DLK1: variants seen among roughly 807,000 people sequenced by gnomAD.
DLK1 encodes the protein delta like non-canonical Notch ligand 1.
In DLK1, 9 loss-of-function variants were observed where a neutral mutation model predicts 35.2. The ratio of observed to expected loss-of-function variants is 0.26; its 90% CI spans 0.15 to 0.45. DLK1 has a LOEUF of 0.45. Ranked by LOEUF, DLK1 falls within the 20% of genes least tolerant of loss-of-function variation. The pLI, the probability that DLK1 is intolerant of heterozygous loss-of-function variation, is 1.00. For missense variants in DLK1, 522 were observed against 528.5 expected, an observed-to-expected ratio of 0.99 and a Z score of 0.12; for synonymous variants, 231 against 228.4, an observed-to-expected ratio of 1.01 and a Z score of -0.10.
intron 3 of DLK1, among the ~76,000 whole-genome samples, chr14:100,731,400 G>A (rs2036505160): frequency 6.6e-6 from 1 of 152,178 alleles, no homozygotes; most frequent in Non-Finnish European, 1.5e-5. Context: ...TAATTTCCCT[G>A]GCTTTAAAAG....
At chr14:100,727,829 G>T (rs535884049) in intron 1 of DLK1, among the ~76,000 whole-genome samples, 1 of 152,246 alleles carries the variant, frequency 6.6e-6, no homozygotes, top group Admixed American at 6.5e-5. Flanking sequence ...ACCCTGTGTC[G>T]TCATCGTTTT....
rs2036584120 is a variant in DLK1 at position 100,737,227 on chromosome 14, A to G, written c.*2331A>G. 1 of 145,168 alleles carries G rather than the reference A, an allele frequency of 6.9e-6. No homozygotes were observed. Among genetic ancestry groups the G allele is most frequent in the African/African-American group, 2.6e-5 (1 of 38,378 alleles). The allele number at this position is 145,168 out of a possible 1,614,324, so 9.0% of individuals were successfully genotyped here. On this transcript the variant is annotated 3_prime_UTR_variant, in exon 5 of 5. Transcript: ENST00000341267. ...CCAAGTCCCTCTTCCTTCCCCACGAAGTCATTCATAAGTCACCATCTCATC... is the reference window on the plus strand; with the variant it reads ...CCAAGTCCCTCTTCCTTCCCCACGAGGTCATTCATAAGTCACCATCTCATC...
In DLK1 at chr14:100,736,910, A is replaced by G. The variant is rs1354530094; in HGVS notation, c.*2014A>G. The G allele has an allele frequency of 1.7e-4, 3 of 17,558 alleles. No individual in the cohort carries two copies. Among genetic ancestry groups the G allele is most frequent in the African/African-American group, 7.0e-4 (3 of 4,260 alleles). 1.1% of individuals were successfully genotyped at this position (17,558 alleles called of 1,614,324 possible). ...CCAATCCTTCCCCTCCTGTTAGCCC[A>G]CCCCTCCTTTCCTATCACCCCCACC... On this transcript the variant is annotated 3_prime_UTR_variant, in exon 5 of 5. Transcript: ENST00000341267.
At position 100,734,916 on chromosome 14, in the gene DLK1, C is replaced by A. The variant is rs774891084; in HGVS notation, c.*20C>A. 3 of 1,546,104 alleles carry A rather than the reference C, an allele frequency of 1.9e-6. No individual in the cohort carries two copies. The South Asian group carries it at 3.7e-5, about 19-fold the overall frequency. On this transcript the variant is annotated 3_prime_UTR_variant, in exon 5 of 5. Coordinates refer to ENST00000341267, the MANE Select transcript of DLK1 (RefSeq NM_003836.7). This position sits in a 1 kb window ranked among gnomAD's most constrained non-coding sequence, Gnocchi z 7.4. ...ATCTAAGCAGCGTTCCCACAGCCCCCTCTAGATTCTTGGAGTTCCGCAGAG... is the reference window on the plus strand; with the variant it reads ...ATCTAAGCAGCGTTCCCACAGCCCCATCTAGATTCTTGGAGTTCCGCAGAG...
rs115349979 is a variant in DLK1, at chr14:100,734,882, G to A, written c.1138G>A (p.Asp380Asn). ...GACCACCTTCAGCAAGGAGGCCGGC[G>A]ACGAGGAGATCTAAGCAGCGTTCCC... Reference protein sequence around the residue: ...DMTTFSKEAGDEEI With the variant: ...DMTTFSKEAGNEEI The change falls in exon 5 of 5, where the codon GAC (aspartate) becomes AAC (asparagine). Residue 380 changes from aspartate (D) to asparagine (N), a missense_variant. Transcript: ENST00000341267. The surrounding 1 kb of genome is among the most constrained non-coding windows in gnomAD (Gnocchi z 7.4). 1.3e-5 allele frequency: 21 copies of A among 1,590,338 alleles called. No homozygotes were observed. In the Admixed American group the frequency reaches 1.9e-4, roughly 14 times the overall value.
intron 3 of DLK1, among the ~76,000 whole-genome samples, chr14:100,731,541 A>G (rs1394515531): frequency 6.6e-6 from 1 of 151,880 alleles, no homozygotes. Flanking sequence ...TTACATCTCC[A>G]TCCCCCCCAC....
At chr14:100,731,527 G>A (rs894833892) in intron 3 of DLK1, among the ~76,000 whole-genome samples, 2 of 152,126 alleles carry the variant, frequency 1.3e-5, no homozygotes, top group Non-Finnish European at 2.9e-5. Flanking sequence ...ACGGAGGGGG[G>A]TCGTTACATC....
rs1291416333 is a variant in DLK1 at position 100,734,305 on chromosome 14, C to A, written c.561C>A (p.Asp187Glu). ...NPCENDGVCTDIGGDFRCRCP... is the reference protein window; with the variant it reads ...NPCENDGVCTEIGGDFRCRCP... ...GCGAGAACGACGGCGTCTGCACTGA[C>A]ATTGGGGGCGACTTCCGCTGCCGGT... The change falls in exon 5 of 5, where the codon GAC (aspartate) becomes GAA (glutamate). Residue 187 changes from aspartate (D) to glutamate (E), a missense_variant. Coordinates refer to ENST00000341267, the MANE Select transcript of DLK1 (RefSeq NM_003836.7). The surrounding 1 kb of genome is among the most constrained non-coding windows in gnomAD (Gnocchi z 7.4). The A allele has an allele frequency of 6.2e-7, 1 of 1,613,288 alleles. No homozygotes were observed. The highest frequency in any genetic ancestry group is 8.5e-7 in the Non-Finnish European group (1 of 1,180,010).
chr14:100,727,278 C>A, intron 1 of DLK1, 143 bp downstream of exon 1: 2 of 884,516 alleles, frequency 2.3e-6, no homozygotes, highest in Non-Finnish European at 3.1e-6. Flanking sequence ...CTGTGCCTGT[C>A]TCGCCCTACC....
Position 100,728,476 on chromosome 14 carries a change from T to A in DLK1, c.131+17T>A, listed in dbSNP as rs200447912. ...TGTTTGCAGGTAATAGAGTGGCTCC[T>A]CAGAGGCAGCTTGTAGGGGCCACGC... On this transcript the variant is annotated intron_variant, in intron 2 of 4. Transcript: ENST00000341267. 1.4e-4 allele frequency: 226 copies of A among 1,613,650 alleles called. No homozygotes were observed. The highest frequency in any genetic ancestry group is 1.8e-4 in the Non-Finnish European group (209 of 1,179,894).
intron 4 of DLK1, among the ~76,000 whole-genome samples, chr14:100,732,760 A>G (rs2036524458): frequency 6.6e-6 from 1 of 152,180 alleles, no homozygotes; most frequent in African/African-American, 2.4e-5. Flanking sequence ...CACTGTCTTC[A>G]CTTGGACCTC....
At chr14:100,728,816 C>A in intron 2 of DLK1, 120 bp from the exon 3 acceptor site, 1 of 1,330,756 alleles carries the variant, frequency 7.5e-7, no homozygotes, top group Non-Finnish European at 1.0e-6. Context: ...TTCCCAGGAC[C>A]ACCGGCTGCC....
intron 3 of DLK1, among the ~76,000 whole-genome samples, chr14:100,729,705 C>A (rs2036486296): frequency 6.6e-6 from 1 of 152,180 alleles, no homozygotes; most frequent in South Asian, 2.1e-4. Context: ...CTCCATTACC[C>A]CAAGCAATTG....
intron 2 of DLK1, 126 bp from the exon 3 acceptor site, chr14:100,728,810 C>T: frequency 7.7e-7 from 1 of 1,305,344 alleles, no homozygotes; most frequent in Non-Finnish European, 1.1e-6. Flanking sequence ...GTTTACTTCC[C>T]AGGACCACCG....
At chr14:100,728,194 G>C (rs1433264541) in intron 1 of DLK1, among the ~76,000 whole-genome samples, 1 of 152,160 alleles carries the variant, frequency 6.6e-6, no homozygotes, top group Non-Finnish European at 1.5e-5. Context: ...TCATTGCTGG[G>C]AACGTGGCAG....
chr14:100,731,539 C>T (rs1431685879), intron 3 of DLK1, among the ~76,000 whole-genome samples: 1 of 152,108 alleles, frequency 6.6e-6, no homozygotes, highest in Non-Finnish European at 1.5e-5. Context: ...CGTTACATCT[C>T]CATCCCCCCC....
rs1211316373 is a variant in DLK1 at position 100,738,199 on chromosome 14, T to C, written c.*3303T>C. 6.6e-6 allele frequency: 1 copy of C among 152,240 alleles called. No individual in the cohort carries two copies. The highest frequency in any genetic ancestry group is 1.5e-5 in the Non-Finnish European group (1 of 68,042). The allele number at this position is 152,240 out of a possible 1,614,324, so 9.4% of individuals were successfully genotyped here. A position where few individuals can be genotyped will look rare whatever the true frequency, so the allele number is the denominator to read the frequency against. ...CAGACATGCAAAAAAACCTTGTTTA[T>C]TGAAAAATAAACAACAAGGGCTAGA... On this transcript the variant is annotated 3_prime_UTR_variant, in exon 5 of 5. Transcript: ENST00000341267.
At chr14:100,727,307 A>C (rs2036447465) in intron 1 of DLK1, among the ~76,000 whole-genome samples, 172 bp downstream of exon 1, 1 of 152,092 alleles carries the variant, frequency 6.6e-6, no homozygotes, top group Non-Finnish European at 1.5e-5. Context: ...TCGCATGCCA[A>C]GGCCCGTCCC....
At position 100,727,146 on chromosome 14, in the gene DLK1, C is replaced by G. The variant is rs755087730; in HGVS notation, c.67+11C>G. 1.5e-4 allele frequency: 233 copies of G among 1,567,758 alleles called. No individual in the cohort carries two copies. Among genetic ancestry groups the G allele is most frequent in the Admixed American group, 2.5e-4 (14 of 56,700 alleles). On this transcript the variant is annotated intron_variant, in intron 1 of 4. Transcript: ENST00000341267. ...GCCACAGCACCTATGGTGAGTTCCC[C>G]GGCGGCCCGGCTCGCGCCCCCTCTG...
Sources: gnomAD v4.1 joint callset for allele counts (sites outside exome capture counted in the v4.1 genomes callset) on GRCh38, gnomAD v4.1.1 for gene constraint, Gnocchi (gnomAD v3.1) non-coding constraint, MANE v1.5 for transcripts, NCBI Gene and HGNC (gene_info 2026-07-23, HGNC 2026-07-21) for gene names.